Variants in KAT6B observed in about 807,000 individuals in gnomAD.
KAT6B encodes the protein histone acetyltransferase KAT6B.
KAT6B carries 10 observed loss-of-function variants against 187.5 expected under a neutral mutation model. The observed-to-expected ratio is 0.05, with a 90% CI of 0.03 to 0.09. The LOEUF is 0.09. Among genes scored for constraint, KAT6B ranks in the 10% least tolerant of loss-of-function variants. The probability of loss-of-function intolerance (pLI) is 1.00; values close to 1 mark genes in which losing one functional copy is unlikely to be tolerated. For synonymous variants in KAT6B, 861 were observed against 926.8 expected (o/e 0.93, Z 1.29); for missense variants, 1,952 against 2,558.9 (o/e 0.76, Z 5.12).
intron 13 of KAT6B, among the ~76,000 whole-genome samples, chr10:75,002,746 T>G (rs767905673): frequency 6.6e-6 from 1 of 152,246 alleles, no homozygotes; most frequent in Non-Finnish European, 1.5e-5. Flanking sequence ...TATAATCTTA[T>G]GGGACTACCA....
intron 3 of KAT6B, among the ~76,000 whole-genome samples, chr10:74,874,045 CAG>C (rs937368338): frequency 6.6e-5 from 10 of 151,316 alleles, no homozygotes; most frequent in South Asian, 6.2e-4. Flanking sequence ...AAAAGAGAAA[CAG>C]AATAAAAATA....
At chr10:74,876,089 G>T (rs7911839) in intron 3 of KAT6B, among the ~76,000 whole-genome samples, 1 of 152,222 alleles carries the variant, frequency 6.6e-6, no homozygotes, top group African/African-American at 2.4e-5. Context: ...TATACACAGA[G>T]TTTTATCATC....
At chr10:74,828,717 G>A (rs1036732251) in intron 1 of KAT6B, among the ~76,000 whole-genome samples, 2 of 151,786 alleles carry the variant, frequency 1.3e-5, no homozygotes, top group South Asian at 4.1e-4. Context: ...ACAGGCGCCT[G>A]CCACCACGCC....
chr10:74,854,573 C>G lies in KAT6B; in HGVS notation c.621+11095C>G, dbSNP rs570673733. 3.0e-3 allele frequency among the ~76,000 whole-genome samples: 456 copies of G among 151,926 alleles called. 8 individuals carry two copies. The South Asian group carries it at 0.044, about 15-fold the overall frequency. On this transcript the variant is annotated intron_variant, in intron 3 of 17. Transcript: ENST00000287239. ...ACTAGATTTAAACTATGAGGCTGGT[C>G]TCTGCAAAGATACAAAGTAAATACT...
intron 3 of KAT6B, among the ~76,000 whole-genome samples, chr10:74,921,892 G>C (rs1468538072): frequency 2.0e-5 from 3 of 152,204 alleles, no homozygotes; most frequent in African/African-American, 7.2e-5. Context: ...GCTCTGGGTT[G>C]ACTGGTAAGC....
chr10:75,016,579 A>G (rs1412026862), intron 13 of KAT6B, among the ~76,000 whole-genome samples: 4 of 152,232 alleles, frequency 2.6e-5, no homozygotes, highest in African/African-American at 9.6e-5. Flanking sequence ...CCACTCACAG[A>G]GTAAGTGCTG....
At chr10:74,833,134 CAAAAAAA>C (rs905808106) in intron 1 of KAT6B, among the ~76,000 whole-genome samples, 4 of 52,320 alleles carry the variant, frequency 7.6e-5, no homozygotes, top group Non-Finnish European at 1.1e-4. Context: ...GACTCTGTCT[CAAAAAAA>C]AAAAAAAAAA....
chr10:75,028,956 G>T lies in KAT6B; in HGVS notation c.4132G>T (p.Val1378Leu), dbSNP rs758142446. The T allele has an allele frequency of 6.2e-7, 1 of 1,613,338 alleles. No individual in the cohort carries two copies. The highest frequency in any genetic ancestry group is 8.5e-7 in the Non-Finnish European group (1 of 1,179,656). The stretch of plus-strand genomic sequence containing the variant: ...GGAAGAAGAAGAAGGAGGAGGAAAT[G>T]TAGAAAAAGATCCAGATGGTGCTAA... ...EGEEEEGGGN[V>L]EKDPDGAKSQ... The change falls in exon 18 of 18, where the codon GTA becomes TTA. Residue 1378 changes from valine to leucine, a missense_variant. By Grantham distance (32) the Val-to-Leu change is conservative. This residue lies in a region of KAT6B where 758 missense variants were observed against 891.4 expected (regional missense o/e 0.85). Coordinates refer to ENST00000287239, the MANE Select transcript of KAT6B (RefSeq NM_012330.4).
intron 1 of KAT6B, among the ~76,000 whole-genome samples, chr10:74,835,719 C>T (rs912659226): frequency 5.3e-5 from 8 of 152,070 alleles, no homozygotes; most frequent in African/African-American, 1.9e-4. Context: ...TACTGATAAT[C>T]TATGTAAAGT....
intron 3 of KAT6B, among the ~76,000 whole-genome samples, chr10:74,852,040 C>G (rs577261492): frequency 6.6e-6 from 1 of 152,258 alleles, no homozygotes; most frequent in South Asian, 2.1e-4. Context: ...TTTGATGTGG[C>G]AGGCTTCCAG....
At chr10:74,895,634 G>A (rs1489691554) in intron 3 of KAT6B, among the ~76,000 whole-genome samples, 1 of 152,058 alleles carries the variant, frequency 6.6e-6, no homozygotes, top group African/African-American at 2.4e-5. Flanking sequence ...TCACTTCCCG[G>A]GTTCAAGCGA....
At chr10:74,958,097 C>T (rs1282652271) in intron 3 of KAT6B, among the ~76,000 whole-genome samples, 2 of 152,172 alleles carry the variant, frequency 1.3e-5, no homozygotes, top group Non-Finnish European at 2.9e-5. Context: ...GATTTGCAGT[C>T]ATATTAAACA....
chr10:74,899,140 G>A (rs1426071139), intron 3 of KAT6B, among the ~76,000 whole-genome samples: 1 of 149,580 alleles, frequency 6.7e-6, no homozygotes, highest in African/African-American at 2.5e-5. Flanking sequence ...CAGCCTGGGT[G>A]ACAGAGCAGT....
intron 13 of KAT6B, among the ~76,000 whole-genome samples, chr10:75,007,067 CAAA>C (rs888030380): frequency 6.0e-5 from 4 of 67,148 alleles, no homozygotes; most frequent in Admixed American, 1.8e-4. Context: ...GACTCCATCT[CAAA>C]AAAAAAAAAA....
chr10:74,976,046 G>A lies in KAT6B; in HGVS notation c.1709G>A (p.Arg570His), dbSNP rs372742885. ...KGHPSYAPPK[R>H]MRRKTELSST... ...CACCCGAGTTATGCACCACCCAAAC[G>A]TATGCGTCGTAAAACTGAATTATCT... is the stretch of plus-strand genomic sequence containing the variant. Residue 570 changes from arginine to histidine, a missense_variant, in exon 8 of 18, where the codon CGT (arginine) becomes CAT (histidine). Coordinates refer to ENST00000287239, the MANE Select transcript of KAT6B (RefSeq NM_012330.4). 24 of 1,613,986 alleles carry A rather than the reference G, an allele frequency of 1.5e-5. No homozygotes were observed. Among genetic ancestry groups the A allele is most frequent in the East Asian group, 2.2e-5 (1 of 44,886 alleles).
At chr10:74,943,943 A>G (rs1329604856) in intron 3 of KAT6B, among the ~76,000 whole-genome samples, 2 of 152,252 alleles carry the variant, frequency 1.3e-5, no homozygotes, top group East Asian at 1.9e-4. Flanking sequence ...AGGAACTCTT[A>G]CAACTGAATA....
intron 3 of KAT6B, among the ~76,000 whole-genome samples, chr10:74,932,837 G>A (rs544383614): frequency 4.6e-5 from 7 of 152,256 alleles, no homozygotes; most frequent in African/African-American, 1.4e-4. Context: ...GGAACTCCTG[G>A]ATCCGTGCCA....
intron 4 of KAT6B, among the ~76,000 whole-genome samples, chr10:74,966,095 G>C (rs1370659993): frequency 6.6e-6 from 1 of 152,132 alleles, no homozygotes; most frequent in Non-Finnish European, 1.5e-5. Context: ...TTTTCTTGCT[G>C]TCAGGTGAAG....
chr10:74,856,087 A>C (rs1842802149), intron 3 of KAT6B, among the ~76,000 whole-genome samples: 2 of 152,046 alleles, frequency 1.3e-5, no homozygotes, highest in South Asian at 4.1e-4. Flanking sequence ...TCTCATTTAT[A>C]ACTTTTGACT....
Sources: allele counts gnomAD v4.1 joint callset (sites outside exome capture counted in the v4.1 genomes callset), GRCh38; gene constraint gnomAD v4.1.1; regional missense constraint gnomAD v4.1.1; transcripts MANE v1.5; gene names NCBI Gene and HGNC (gene_info 2026-07-23, HGNC 2026-07-21).